The following CLEC17A variants were observed in gnomAD, a reference collection of about 807,000 sequenced individuals.
CLEC17A encodes the protein C-type lectin domain family 17, member A.
In CLEC17A, 37 loss-of-function variants were observed where a neutral mutation model predicts 61.3. The ratio of observed to expected loss-of-function variants is 0.60; its 90% CI spans 0.46 to 0.79. The LOEUF is 0.79. Ranked by LOEUF, CLEC17A falls within the 30% of genes least tolerant of loss-of-function variation. The probability of loss-of-function intolerance (pLI) is 0.00; values close to 1 mark genes in which losing one functional copy is unlikely to be tolerated. For synonymous variants in CLEC17A, 168 were observed against 164.9 expected, an observed-to-expected ratio of 1.02 and a Z score of -0.14; for missense variants, 418 against 464.7, an observed-to-expected ratio of 0.90 and a Z score of 0.92.
At chr19:14,583,962 G>A (rs921031070) in intron 2 of CLEC17A, 1 of 162,170 alleles carries the variant, frequency 6.2e-6, no homozygotes, top group African/African-American at 2.4e-5. Context: ...CAGCTGCAGT[G>A]GTGTGCGTCT....
intron 10 of CLEC17A, among the ~76,000 whole-genome samples, chr19:14,598,930 G>C (rs567471902): frequency 1.3e-5 from 2 of 151,860 alleles, no homozygotes; most frequent in Non-Finnish European, 2.9e-5. Context: ...CCAGCCTGTG[G>C]GACAGAGCAG....
At chr19:14,591,244 T>C (rs1363068912) in intron 3 of CLEC17A, among the ~76,000 whole-genome samples, 2 of 140,402 alleles carry the variant, frequency 1.4e-5, no homozygotes, top group Non-Finnish European at 3.1e-5. Context: ...AAGCTCCGCC[T>C]CCCAGGTTCA....
chr19:14,582,178 C>T (rs1431973245), upstream of CLEC17A, among the ~76,000 whole-genome samples: 4 of 152,092 alleles, frequency 2.6e-5, no homozygotes, highest in African/African-American at 4.8e-5. Context: ...TGTCAAATCT[C>T]CTTCTGTTTC....
intron 4 of CLEC17A, among the ~76,000 whole-genome samples, chr19:14,594,208 C>G (rs145541651): frequency 6.6e-6 from 1 of 151,658 alleles, no homozygotes; most frequent in African/African-American, 2.4e-5. Flanking sequence ...ACCCAGGGGG[C>G]GGAGGTTTCA....
At chr19:14,602,693 T>C (rs938398782) in intron 12 of CLEC17A, among the ~76,000 whole-genome samples, 1 of 152,084 alleles carries the variant, frequency 6.6e-6, no homozygotes, top group African/African-American at 2.4e-5. Flanking sequence ...GTCCCTTCTG[T>C]TTTTTATCCC....
Position 14,600,074 on chromosome 19 carries a change from G to A in CLEC17A, c.786G>A (p.Glu262=). ...ITCPEGWLPF[E]GKCYYFSPST... ...GTCCTGAAGGCTGGCTGCCCTTTGA[G>A]GGCAAGTGTTACTACTTCTCCCCAA... Residue 262 remains glutamate (E), a synonymous_variant, in exon 12 of 14, where the codon GAG becomes GAA. Coordinates refer to ENST00000417570, the MANE Select transcript of CLEC17A (RefSeq NM_001204118.2). The A allele has an allele frequency of 1.2e-6, 2 of 1,614,000 alleles. No homozygotes were observed. The highest frequency in any genetic ancestry group is 2.2e-5 in the East Asian group (1 of 44,882).
chr19:14,587,741 C>G (rs745395089), intron 3 of CLEC17A, 50 bp downstream of exon 3: 1 of 1,608,386 alleles, frequency 6.2e-7, no homozygotes, highest in Non-Finnish European at 8.5e-7. Context: ...GGAACGGGGT[C>G]TCCAGTGGGC....
At chr19:14,602,887 C>G (rs928051978) in intron 12 of CLEC17A, among the ~76,000 whole-genome samples, 26 of 152,110 alleles carry the variant, frequency 1.7e-4, no homozygotes, top group Admixed American at 9.8e-4. Context: ...AGGCGCCCAC[C>G]ACCATGCCTG....
At chr19:14,596,170 G>A (rs1470231988) in intron 8 of CLEC17A, among the ~76,000 whole-genome samples, 1 of 151,966 alleles carries the variant, frequency 6.6e-6, no homozygotes, top group Non-Finnish European at 1.5e-5. Context: ...TGACCTAGGA[G>A]CAACTTGGTC....
At chr19:14,590,827 A>G (rs71334725) in intron 3 of CLEC17A, among the ~76,000 whole-genome samples, 3 of 151,302 alleles carry the variant, frequency 2.0e-5, no homozygotes, top group African/African-American at 7.3e-5. Flanking sequence ...CTGGGACTAC[A>G]GGTGTGCACC....
intron 12 of CLEC17A, among the ~76,000 whole-genome samples, chr19:14,606,192 T>TA (rs776264208): frequency 6.6e-6 from 1 of 152,024 alleles, no homozygotes; most frequent in African/African-American, 2.4e-5. Context: ...TTACTATTGC[T>TA]AAAAATGTCA....
chr19:14,595,297 T>C lies in CLEC17A; in HGVS notation c.427T>C (p.Leu143=), dbSNP rs773824562. ...QLAVNLEPSP[L]QPSLAATPVP... is the part of the protein sequence containing the mutation. ...AGCTGTGAATCTTGAGCCTTCTCCA[T>C]TGCAGCCATCCCTGGCCGGTAAGTG... Residue 143 remains leucine (L), a synonymous_variant, in exon 8 of 14, where the codon TTG becomes CTG. Transcript: ENST00000417570. 12 of 1,613,812 alleles carry C rather than the reference T, an allele frequency of 7.4e-6. No individual in the cohort carries two copies. In the Admixed American group the frequency reaches 1.8e-4, roughly 25 times the overall value.
At chr19:14,587,263 T>TGTGTGTGTGTGTGTGTGTGTGTGTG (rs71733825) in intron 2 of CLEC17A, among the ~76,000 whole-genome samples, 4 of 136,544 alleles carry the variant, frequency 2.9e-5, no homozygotes, top group African/African-American at 8.7e-5. Flanking sequence ...GTGTGTGTGT[T>TGTGTGTGTGTGTGTGTGTGTGTGTG]TGTGTTTGTG....
chr19:14,583,457 G>T (rs1447871897), intron 2 of CLEC17A, 23 bp downstream of exon 2: 1 of 1,611,908 alleles, frequency 6.2e-7, no homozygotes, highest in South Asian at 1.1e-5. Flanking sequence ...TTTGGAGTGT[G>T]ACCTGGGGGA....
chr19:14,591,389 T>C (rs907077268), intron 3 of CLEC17A, among the ~76,000 whole-genome samples: 1 of 151,230 alleles, frequency 6.6e-6, no homozygotes, highest in Non-Finnish European at 1.5e-5. Context: ...CTCCTGACCT[T>C]GTGATCTGAC....
chr19:14,590,494 T>G (rs2074383230), intron 3 of CLEC17A, among the ~76,000 whole-genome samples: 2 of 152,004 alleles, frequency 1.3e-5, no homozygotes, highest in African/African-American at 4.8e-5. Context: ...GTTCAAGTGA[T>G]TCTCCTGACT....
chr19:14,590,582 C>T lies in CLEC17A; in HGVS notation c.200-1699C>T, dbSNP rs71334718. On this transcript the variant is annotated intron_variant, in intron 3 of 13. Transcript: ENST00000417570. Reference sequence around the variant, plus strand: ...TTGTATTTTTAGAAAAGATGGGGTTCCTCCATGTTGCTCAGGCTGGTCTCG... The same window carrying T: ...TTGTATTTTTAGAAAAGATGGGGTTTCTCCATGTTGCTCAGGCTGGTCTCG... Among the ~76,000 whole-genome samples the T allele has an allele frequency of 2.2e-3, 328 of 152,096 alleles. 2 individuals carry two copies. Among genetic ancestry groups the T allele is most frequent in the Non-Finnish European group, 3.4e-3 (233 of 67,976 alleles).
intron 12 of CLEC17A, among the ~76,000 whole-genome samples, chr19:14,600,753 G>A (rs1015382606): frequency 2.0e-5 from 3 of 150,268 alleles, no homozygotes; most frequent in Non-Finnish European, 4.4e-5. Context: ...GGCTAATTTT[G>A]TTTTTGTATT....
chr19:14,583,796 T>C (rs2074222918), intron 2 of CLEC17A, among the ~76,000 whole-genome samples: 1 of 152,078 alleles, frequency 6.6e-6, no homozygotes, highest in African/African-American at 2.4e-5. Flanking sequence ...TTACAAAAGC[T>C]GGTGCTTGAG....
Sources: gnomAD v4.1 joint callset for allele counts (sites outside exome capture counted in the v4.1 genomes callset) on GRCh38, gnomAD v4.1.1 for gene constraint, MANE v1.5 for transcripts, NCBI Gene and HGNC (gene_info 2026-07-23, HGNC 2026-07-21) for gene names.